Variants in CSMD1 observed in about 807,000 individuals in gnomAD.
CSMD1 encodes the protein CUB and Sushi multiple domains 1, also known as CUB and sushi domain-containing protein 1.
In CSMD1, 213 loss-of-function variants were observed where a neutral mutation model predicts 417.5. The observed-to-expected ratio is 0.51, with a 90% CI of 0.46 to 0.57. The LOEUF is 0.57. Among genes scored for constraint, CSMD1 ranks in the 20% least tolerant of loss-of-function variants. CSMD1 has a pLI of 0.00. For synonymous variants in CSMD1, 2,862 were observed against 1,736.8 expected (o/e 1.65, Z -16.11); for missense variants, 6,923 against 4,529.7 (o/e 1.53, Z -15.17).
intron 2 of CSMD1, among the ~76,000 whole-genome samples, chr8:4,614,786 T>C: frequency 6.6e-6 from 1 of 152,310 alleles, no homozygotes; most frequent in Admixed American, 6.5e-5. Context: ...AATATGTCTG[T>C]AGAATTTAAA....
At position 4,693,886 on chromosome 8, in the gene CSMD1, A is replaced by C. The variant is rs955392329; in HGVS notation, c.86-56328T>G. On this transcript the variant is annotated intron_variant, in intron 1 of 69. Transcript: ENST00000635120. Reference sequence around the variant, plus strand: ...TCTTCTATTTTCTAGGTTTTCTTTTAACACTAATATCACAGTTTGCAGTTA... The same window carrying C: ...TCTTCTATTTTCTAGGTTTTCTTTTCACACTAATATCACAGTTTGCAGTTA... Among the ~76,000 whole-genome samples, 8 of 46,462 alleles carry C rather than the reference A, an allele frequency of 1.7e-4. No individual in the cohort carries two copies. In the East Asian group the frequency reaches 4.4e-3, roughly 25 times the overall value. 30.5% of individuals were successfully genotyped at this position (46,462 alleles called of 152,430 possible).
intron 1 of CSMD1, among the ~76,000 whole-genome samples, chr8:4,644,887 T>G (rs1023583529): frequency 6.6e-6 from 1 of 152,232 alleles, no homozygotes; most frequent in African/African-American, 2.4e-5. Context: ...ATTCAATTGT[T>G]GAAGCCTGTG....
intron 11 of CSMD1, among the ~76,000 whole-genome samples, chr8:3,473,546 A>G (rs1011631400): frequency 1.3e-5 from 2 of 152,176 alleles, no homozygotes; most frequent in African/African-American, 4.8e-5. Flanking sequence ...TTTCTTTAAA[A>G]CAAAGAAGCA....
intron 2 of CSMD1, among the ~76,000 whole-genome samples, chr8:4,578,727 T>C (rs953449889): frequency 6.7e-6 from 1 of 150,296 alleles, no homozygotes; most frequent in Non-Finnish European, 1.5e-5. Flanking sequence ...GGCAAGATAA[T>C]TGCTTGAACC....
chr8:4,505,438 G>A (rs566557768), intron 2 of CSMD1, among the ~76,000 whole-genome samples: 5 of 151,972 alleles, frequency 3.3e-5, no homozygotes, highest in East Asian at 3.9e-4. Context: ...AAAATATCTC[G>A]ATTTAAACAG....
chr8:4,132,675 T>C (rs1803182705), intron 3 of CSMD1, among the ~76,000 whole-genome samples: 1 of 152,176 alleles, frequency 6.6e-6, no homozygotes, highest in South Asian at 2.1e-4. Context: ...ACAAACCTGA[T>C]GAGCCTCGCA....
intron 3 of CSMD1, among the ~76,000 whole-genome samples, chr8:4,395,618 C>A (rs532015044): frequency 6.6e-6 from 1 of 151,932 alleles, no homozygotes; most frequent in Admixed American, 6.6e-5. Flanking sequence ...TAATATTGCC[C>A]CCATTATACT....
intron 3 of CSMD1, among the ~76,000 whole-genome samples, chr8:4,296,697 T>TTTTG (rs1797704296): frequency 5.9e-4 from 2 of 3,368 alleles, no homozygotes; most frequent in Non-Finnish European, 7.5e-4. Context: ...AAAATAAGGG[T>TTTTG]TTTTTTTTTT....
intron 10 of CSMD1, among the ~76,000 whole-genome samples, chr8:3,555,261 C>T (rs1341497406): frequency 6.6e-6 from 1 of 152,012 alleles, no homozygotes; most frequent in East Asian, 2.0e-4. Context: ...AGCTAGGAGT[C>T]ATGAAGCCAA....
intron 3 of CSMD1, among the ~76,000 whole-genome samples, chr8:4,129,731 G>A (rs1181816505): frequency 1.3e-5 from 2 of 151,746 alleles, no homozygotes; most frequent in Non-Finnish European, 2.9e-5. Context: ...GTTTTCTTGG[G>A]CCCTTTCAAT....
At chr8:3,962,472 T>C (rs992908398) in intron 5 of CSMD1, among the ~76,000 whole-genome samples, 29 of 152,144 alleles carry the variant, frequency 1.9e-4, no homozygotes, top group Admixed American at 3.3e-4. Context: ...TCCTTGGATG[T>C]CACCCCCTGT....
intron 12 of CSMD1, among the ~76,000 whole-genome samples, chr8:3,437,250 C>T (rs1043072255): frequency 2.6e-5 from 4 of 152,172 alleles, no homozygotes; most frequent in African/African-American, 9.6e-5. Flanking sequence ...TCTAATACCA[C>T]CATTCACTGA....
Position 3,151,513 on chromosome 8 carries a change from G to A in CSMD1, c.5915C>T (p.Ala1972Val). The change falls in exon 40 of 70, where the codon GCA becomes GTA. Residue 1972 changes from alanine (A) to valine (V), a missense_variant and splice_region_variant. Coordinates refer to ENST00000635120, the MANE Select transcript of CSMD1 (RefSeq NM_033225.6). Reference sequence around the variant, plus strand: ...GGTGCTCAGCGTCCCTCCACAGGTTGCTGTTAAGTGGACAAGATGTCAGTC... The same window carrying A: ...GGTGCTCAGCGTCCCTCCACAGGTTACTGTTAAGTGGACAAGATGTCAGTC... ...RWNYPSPLCI[A>V]TCGGTLSTLG... 6.2e-7 allele frequency: 1 copy of A among 1,602,974 alleles called. No homozygotes were observed. The highest frequency in any genetic ancestry group is 8.5e-7 in the Non-Finnish European group (1 of 1,171,686).
intron 3 of CSMD1, among the ~76,000 whole-genome samples, chr8:4,215,096 C>G (rs973695258): frequency 2.0e-5 from 3 of 152,112 alleles, no homozygotes; most frequent in African/African-American, 7.2e-5. Context: ...TGCTTCTATT[C>G]CGGACAAGTG....
intron 3 of CSMD1, among the ~76,000 whole-genome samples, chr8:4,308,480 T>C (rs899809798): frequency 5.9e-5 from 9 of 152,166 alleles, no homozygotes; most frequent in Non-Finnish European, 8.8e-5. Flanking sequence ...CGAGGGCCAA[T>C]GTGAAACACG....
intron 1 of CSMD1, among the ~76,000 whole-genome samples, chr8:4,665,530 G>C (rs934932001): frequency 6.6e-6 from 1 of 152,288 alleles, no homozygotes; most frequent in Middle Eastern, 3.4e-3. Flanking sequence ...CTCCCCCAGA[G>C]GGTGGCAGCT....
intron 23 of CSMD1, among the ~76,000 whole-genome samples, chr8:3,314,507 A>G (rs552176800): frequency 6.6e-6 from 1 of 152,324 alleles, no homozygotes; most frequent in Non-Finnish European, 1.5e-5. Context: ...TTTAAAAAAG[A>G]CTAAATCACA....
chr8:4,142,391 C>G (rs34401810), intron 3 of CSMD1, among the ~76,000 whole-genome samples: 45,239 of 150,568 alleles, frequency 0.3, 8,448 homozygotes, highest in Non-Finnish European at 0.39. Context: ...AGGGAGAGGA[C>G]AGTTTTCTTT....
At chr8:3,564,784 T>C (rs1331657701) in intron 10 of CSMD1, among the ~76,000 whole-genome samples, 28 of 150,480 alleles carry the variant, frequency 1.9e-4, no homozygotes, top group Admixed American at 1.9e-3. Flanking sequence ...TTGAAAGGGG[T>C]GATGACAGAG....
Sources: allele counts gnomAD v4.1 joint callset (sites outside exome capture counted in the v4.1 genomes callset), GRCh38; gene constraint gnomAD v4.1.1; transcripts MANE v1.5; gene names NCBI Gene and HGNC (gene_info 2026-07-23, HGNC 2026-07-21).